The following TSKS variants were observed in gnomAD, a reference collection of about 807,000 sequenced individuals.
The protein encoded by TSKS is testis-specific serine kinase substrate.
Under a neutral mutation model 68.0 loss-of-function variants are expected in TSKS, and 27 were observed. That is an observed-to-expected ratio of 0.40 (90% CI 0.29 to 0.55). TSKS has a LOEUF of 0.55. Ranked by LOEUF, TSKS falls within the 20% of genes least tolerant of loss-of-function variation. The pLI is 0.53. For missense variants in TSKS, 806 were observed against 776.0 expected (o/e 1.04, Z -0.46); for synonymous variants, 331 against 340.4 (o/e 0.97, Z 0.30).
intron 2 of TSKS, among the ~76,000 whole-genome samples, chr19:49,761,348 T>C (rs756246539): frequency 2.6e-5 from 4 of 152,104 alleles, no homozygotes; most frequent in Admixed American, 6.6e-5. Flanking sequence ...TAACCCTCTA[T>C]ACTTTTGCCA....
intron 9 of TSKS, chr19:49,740,412 G>T (rs113310643): frequency 5.4e-6 from 3 of 550,782 alleles, no homozygotes. Flanking sequence ...GTCCCATGAT[G>T]CACTGACCTA....
At position 49,741,971 on chromosome 19, in the gene TSKS, C is replaced by G. The variant is rs1223206654; in HGVS notation, c.1411G>C (p.Ala471Pro). 1.2e-6 allele frequency: 2 copies of G among 1,614,166 alleles called. No individual in the cohort carries two copies. The highest frequency in any genetic ancestry group is 1.7e-6 in the Non-Finnish European group (2 of 1,180,022). ...ACCTCGTCCACTAGTGAGGTCAGTG[C>G]TCGGTCCAGCAGCTGCTGCAGGGAC... Reference protein sequence around the residue: ...TESLQQLLDRALTSLVDEVKQ... With the variant: ...TESLQQLLDRPLTSLVDEVKQ... The change falls in exon 9 of 11, where the codon GCA becomes CCA. Residue 471 changes from alanine (A) to proline (P), a missense_variant. Ala to Pro is a conservative substitution (Grantham distance 27, BLOSUM62 -1). Transcript: ENST00000246801.
intron 2 of TSKS, among the ~76,000 whole-genome samples, chr19:49,757,430 G>A (rs565663574): frequency 8.1e-4 from 123 of 152,336 alleles, no homozygotes; most frequent in African/African-American, 2.8e-3. Context: ...TACACAAAGT[G>A]TCTTTCTAAC....
intron 9 of TSKS, among the ~76,000 whole-genome samples, chr19:49,741,309 C>A (rs1341229058): frequency 6.6e-6 from 1 of 152,168 alleles, no homozygotes; most frequent in Non-Finnish European, 1.5e-5. Context: ...CAGTGCCTCA[C>A]TTGTCTGTCT....
At chr19:49,749,057 C>T (rs894055478) in intron 2 of TSKS, among the ~76,000 whole-genome samples, 3 of 150,756 alleles carry the variant, frequency 2.0e-5, no homozygotes, top group Admixed American at 6.6e-5. Context: ...AGCGAGTCTC[C>T]GTCTAAAGAA....
chr19:49,751,989 G>T (rs1290861413), intron 2 of TSKS, among the ~76,000 whole-genome samples: 1 of 151,332 alleles, frequency 6.6e-6, no homozygotes, highest in Non-Finnish European at 1.5e-5. Flanking sequence ...TTGAAGAATC[G>T]CTTGAACCTG....
chr19:49,742,081 C>T (rs958730589), intron 8 of TSKS, 61 bp from the exon 9 acceptor site: 13 of 1,586,528 alleles, frequency 8.2e-6, no homozygotes, highest in Non-Finnish European at 1.1e-5. Flanking sequence ...CGCCCCATGC[C>T]CCATGCTCAC....
chr19:49,741,015 G>A (rs1465781034), intron 9 of TSKS, among the ~76,000 whole-genome samples: 1 of 151,964 alleles, frequency 6.6e-6, no homozygotes, highest in Non-Finnish European at 1.5e-5. Flanking sequence ...TGTCTCCACT[G>A]AAAACACAAA....
At chr19:49,742,221 G>A (rs1201963933) in intron 8 of TSKS, among the ~76,000 whole-genome samples, 1 of 151,654 alleles carries the variant, frequency 6.6e-6, no homozygotes, top group Non-Finnish European at 1.5e-5. Context: ...TTTTTGAGAC[G>A]GAGTCTGGCT....
intron 2 of TSKS, among the ~76,000 whole-genome samples, chr19:49,755,650 G>T (rs897048600): frequency 1.3e-5 from 2 of 152,152 alleles, no homozygotes; most frequent in African/African-American, 4.8e-5. Context: ...GGGCAACAAA[G>T]TAACACCTGC....
intron 9 of TSKS, among the ~76,000 whole-genome samples, chr19:49,740,930 G>A (rs1418108087): frequency 1.3e-5 from 2 of 150,902 alleles, no homozygotes; most frequent in East Asian, 3.9e-4. Flanking sequence ...TGTAATCCCA[G>A]TACTTTGGGA....
At position 49,746,540 on chromosome 19, in the gene TSKS, G is replaced by A. The variant is rs776969856; in HGVS notation, c.922C>T (p.Arg308Trp). 3.7e-6 allele frequency: 6 copies of A among 1,613,646 alleles called. No individual in the cohort carries two copies. Among genetic ancestry groups the A allele is most frequent in the African/African-American group, 1.3e-5 (1 of 75,052 alleles). Residue 308 changes from arginine to tryptophan, a missense_variant, in exon 6 of 11, where the codon CGG becomes TGG. By Grantham distance (101) the Arg-to-Trp change is moderately radical (BLOSUM62 -3). Coordinates refer to ENST00000246801, the MANE Select transcript of TSKS (RefSeq NM_021733.2). The part of the protein sequence containing the change: ...LVPAGWGMGP[R>W]AGEGPYVSEQ... The stretch of plus-strand genomic sequence containing the variant: ...CTCACGTAGGGGCCCTCGCCAGCCC[G>A]AGGCCCCATTCCCCAGCCTGCGGGG...
Position 49,739,932 on chromosome 19 carries a change from C to T in TSKS, c.1623G>A (p.Glu541=). Residue 541 remains glutamate (E), a splice_region_variant and synonymous_variant, in exon 11 of 11, where the codon GAG becomes GAA. Transcript: ENST00000246801. ...NLLLTDKMKP[E]EKMATLDHLH... Reference sequence around the variant, plus strand: ...GATGGTCCAGAGTGGCCATCTTCTCCCTGTCATGAGGCAGCGGGGAGTTGA... The same window carrying T: ...GATGGTCCAGAGTGGCCATCTTCTCTCTGTCATGAGGCAGCGGGGAGTTGA... The T allele has an allele frequency of 1.9e-6, 3 of 1,610,116 alleles. No homozygotes were observed. Among genetic ancestry groups the T allele is most frequent in the South Asian group, 2.2e-5 (2 of 90,898 alleles).
At chr19:49,759,682 T>G (rs2084424380) in intron 2 of TSKS, among the ~76,000 whole-genome samples, 1 of 145,120 alleles carries the variant, frequency 6.9e-6, no homozygotes. Context: ...AGAAAAAAAT[T>G]TGTTTAGCTG....
At chr19:49,745,092 G>C in intron 7 of TSKS, 110 bp downstream of exon 7, 1 of 1,102,216 alleles carries the variant, frequency 9.1e-7, no homozygotes, top group Non-Finnish European at 1.3e-6. Flanking sequence ...ATATGTTCCG[G>C]AATGCCTGGC....
intron 2 of TSKS, among the ~76,000 whole-genome samples, chr19:49,751,868 G>T (rs1001250636): frequency 7.8e-6 from 1 of 128,644 alleles, no homozygotes; most frequent in African/African-American, 3.1e-5. Flanking sequence ...TTTGAGAGCA[G>T]CCTGGACAAC....
intron 2 of TSKS, among the ~76,000 whole-genome samples, chr19:49,759,018 C>G (rs996682074): frequency 2.0e-5 from 3 of 151,898 alleles, no homozygotes; most frequent in Non-Finnish European, 4.4e-5. Flanking sequence ...CCACCACGTC[C>G]GGCTAATTGT....
Position 49,748,371 on chromosome 19 carries a change from C to T in TSKS, c.495+3G>A. On this transcript the variant is annotated splice_donor_region_variant and intron_variant, in intron 3 of 10. Transcript: ENST00000246801. ...AGGTGTTGGATATAGGGGGTCCTCA[C>T]ACCTGCAGAGACTGCACGTGCTGGT... 1 of 1,613,864 alleles carries T rather than the reference C, an allele frequency of 6.2e-7. No homozygotes were observed.
chr19:49,745,510 C>A, intron 6 of TSKS, 114 bp from the exon 7 acceptor site: 1 of 941,124 alleles, frequency 1.1e-6, no homozygotes, highest in South Asian at 2.0e-5. Flanking sequence ...AGACCATGCC[C>A]GTGGCTCCAG....
Sources: gnomAD v4.1 joint callset for allele counts (sites outside exome capture counted in the v4.1 genomes callset) on GRCh38, gnomAD v4.1.1 for gene constraint, MANE v1.5 for transcripts, NCBI Gene and HGNC (gene_info 2026-07-23, HGNC 2026-07-21) for gene names.